Variants in INPP5F observed in about 807,000 individuals in gnomAD.
The protein encoded by INPP5F is phosphatidylinositide 4-phosphatase SAC2.
A neutral mutation model predicts 137.2 loss-of-function variants in INPP5F; 97 were observed. That is an observed-to-expected ratio of 0.71 (90% CI 0.60 to 0.84). The LOEUF (loss-of-function observed/expected upper bound fraction) is 0.84. Ranked by LOEUF, INPP5F falls within the 40% of genes least tolerant of loss-of-function variation. INPP5F has a pLI of 0.00. For missense variants in INPP5F, 1,271 were observed against 1,371.9 expected (o/e 0.93, Z 1.16); for synonymous variants, 504 against 476.9 (o/e 1.06, Z -0.74).
chr10:119,798,865 A>C (rs1282091052), intron 9 of INPP5F, among the ~76,000 whole-genome samples: 1 of 148,158 alleles, frequency 6.7e-6, no homozygotes, highest in Non-Finnish European at 1.5e-5. Flanking sequence ...TGCTGGGCTC[A>C]AGCAATCTTC....
At chr10:119,820,244 T>C (rs1028648019) in intron 15 of INPP5F, among the ~76,000 whole-genome samples, 11 of 152,328 alleles carry the variant, frequency 7.2e-5, no homozygotes, top group African/African-American at 2.2e-4. Flanking sequence ...GTTTTCATCA[T>C]TGATTTTAGA....
intron 2 of INPP5F, among the ~76,000 whole-genome samples, chr10:119,761,155 T>C (rs1848998224): frequency 6.6e-6 from 1 of 152,200 alleles, no homozygotes; most frequent in Non-Finnish European, 1.5e-5. Context: ...TTAACTACAG[T>C]CTTAAGCTTT....
intron 15 of INPP5F, among the ~76,000 whole-genome samples, chr10:119,818,450 C>T (rs1851379862): frequency 1.3e-5 from 2 of 152,264 alleles, no homozygotes. Context: ...ACGCTCGGTG[C>T]AGTACCCTCG....
At chr10:119,784,794 A>G (rs1240359875) in intron 3 of INPP5F, among the ~76,000 whole-genome samples, 1 of 152,200 alleles carries the variant, frequency 6.6e-6, no homozygotes, top group Non-Finnish European at 1.5e-5. Flanking sequence ...ACCACAATCA[A>G]TTTTAGAACC....
intron 2 of INPP5F, among the ~76,000 whole-genome samples, chr10:119,764,679 T>C (rs908921436): frequency 3.3e-5 from 5 of 151,802 alleles, no homozygotes; most frequent in South Asian, 4.2e-4. Flanking sequence ...CCTCCCGGGT[T>C]CAAGCGATTC....
Position 119,826,665 on chromosome 10 carries a change from A to G in INPP5F, c.2284A>G (p.Ile762Val). ...SSKPHEDIIG[I>V]RSQNQGSLAQ... The stretch of plus-strand genomic sequence containing the variant: ...TAAACCTCACGAAGACATCATTGGT[A>G]TCAGGTCTCAAAACCAAGGTTCTTT... Residue 762 changes from isoleucine to valine, a missense_variant, in exon 20 of 20, where the codon ATC becomes GTC. Physicochemically the swap from Ile to Val is conservative, Grantham distance 29. Coordinates refer to ENST00000650623, the MANE Select transcript of INPP5F (RefSeq NM_014937.4). The G allele has an allele frequency of 1.2e-6, 2 of 1,604,076 alleles. No individual in the cohort carries two copies. The highest frequency in any genetic ancestry group is 1.7e-6 in the Non-Finnish European group (2 of 1,177,424).
At chr10:119,773,847 T>C (rs186020093) in intron 2 of INPP5F, among the ~76,000 whole-genome samples, 7 of 152,316 alleles carry the variant, frequency 4.6e-5, no homozygotes, top group African/African-American at 1.7e-4. Flanking sequence ...GAATTACAGG[T>C]GCAGGCCACC....
intron 15 of INPP5F, among the ~76,000 whole-genome samples, chr10:119,812,908 A>T (rs1029853640): frequency 6.6e-5 from 10 of 151,648 alleles, no homozygotes; most frequent in African/African-American, 2.2e-4. Context: ...ATCCAACTTA[A>T]TATAGCACCA....
chr10:119,795,776 A>G (rs1850353888), intron 6 of INPP5F, among the ~76,000 whole-genome samples: 1 of 152,176 alleles, frequency 6.6e-6, no homozygotes, highest in Non-Finnish European at 1.5e-5. Context: ...ACTGCACTCC[A>G]GCCTGGGCAC....
At chr10:119,794,291 C>T (rs1182554108) in intron 6 of INPP5F, among the ~76,000 whole-genome samples, 1 of 152,100 alleles carries the variant, frequency 6.6e-6, no homozygotes, top group African/African-American at 2.4e-5. Flanking sequence ...TCCATTCAAC[C>T]CTGAGTGGAT....
chr10:119,806,550 A>G lies in INPP5F; in HGVS notation c.1440+70A>G, dbSNP rs1850796875. ...TTTTTTTTTCCATGAGTAAGCAAAT[A>G]GCTAAATATTTTTCAAATGTCAAAT... On this transcript the variant is annotated intron_variant, in intron 12 of 19. Transcript: ENST00000650623. 4 of 1,380,404 alleles carry G rather than the reference A, an allele frequency of 2.9e-6. No homozygotes were observed. In the Admixed American group the frequency reaches 1.0e-4, roughly 35 times the overall value. 85.5% of individuals were successfully genotyped at this position (1,380,404 alleles called of 1,614,324 possible).
chr10:119,756,464 C>T (rs1201957992), intron 2 of INPP5F, among the ~76,000 whole-genome samples: 2 of 151,754 alleles, frequency 1.3e-5, no homozygotes, highest in African/African-American at 4.8e-5. Flanking sequence ...GGTGAAACCC[C>T]CTCTCAACTA....
At chr10:119,733,128 TC>T (rs1848131367) in intron 1 of INPP5F, among the ~76,000 whole-genome samples, 2 of 152,194 alleles carry the variant, frequency 1.3e-5, no homozygotes, top group Non-Finnish European at 2.9e-5. Context: ...TCTTTAGCTA[TC>T]CTAATCATTA....
At position 119,804,304 on chromosome 10, in the gene INPP5F, T is replaced by C. The variant is rs368034270; in HGVS notation, c.1241+7T>C. The C allele has an allele frequency of 3.6e-5, 58 of 1,608,068 alleles. No homozygotes were observed. The highest frequency in any genetic ancestry group is 4.8e-5 in the Non-Finnish European group (57 of 1,178,272). The stretch of plus-strand genomic sequence containing the variant: ...TTGACTTCCATGAGCACTGGTAAGA[T>C]GGCTTTCGGAGAATAGTGTTGATCA... On this transcript the variant is annotated splice_region_variant and intron_variant, in intron 10 of 19. Transcript: ENST00000650623.
Position 119,726,088 on chromosome 10 carries a change from G to A in INPP5F, c.-175G>A. 2 of 376,442 alleles carry A rather than the reference G, an allele frequency of 5.3e-6. No homozygotes were observed. Among genetic ancestry groups the A allele is most frequent in the Non-Finnish European group, 9.4e-6 (2 of 213,646 alleles). 23.3% of individuals were successfully genotyped at this position (376,442 alleles called of 1,614,324 possible). On this transcript the variant is annotated 5_prime_UTR_variant, in exon 1 of 20. Transcript: ENST00000650623. ...GGCCGCCGCTGCCGCCGCCGCTGCC[G>A]GGGCGCGTTCTCCTCCTACCGGTCG...
At chr10:119,786,690 T>C (rs1849930233) in intron 3 of INPP5F, among the ~76,000 whole-genome samples, 1 of 151,594 alleles carries the variant, frequency 6.6e-6, no homozygotes, top group African/African-American at 2.4e-5. Context: ...TTTTTTTTTT[T>C]CTATTTTTTG....
intron 1 of INPP5F, among the ~76,000 whole-genome samples, chr10:119,749,782 C>T (rs1356279968): frequency 1.3e-5 from 2 of 152,152 alleles, no homozygotes; most frequent in African/African-American, 2.4e-5. Flanking sequence ...TCTTATTTTG[C>T]TTTAATTCTT....
At chr10:119,786,754 A>G (rs1322302258) in intron 3 of INPP5F, among the ~76,000 whole-genome samples, 1 of 152,064 alleles carries the variant, frequency 6.6e-6, no homozygotes, top group Non-Finnish European at 1.5e-5. Flanking sequence ...CCTGGGCTTA[A>G]GCAATCTGCC....
intron 8 of INPP5F, 150 bp from the exon 9 acceptor site, chr10:119,798,393 T>G: frequency 1.8e-6 from 1 of 564,630 alleles, no homozygotes; most frequent in Non-Finnish European, 3.1e-6. Context: ...ATCTTTGACT[T>G]AGCATTTCAT....
Sources: allele counts gnomAD v4.1 joint callset (sites outside exome capture counted in the v4.1 genomes callset), GRCh38; gene constraint gnomAD v4.1.1; transcripts MANE v1.5; gene names NCBI Gene and HGNC (gene_info 2026-07-23, HGNC 2026-07-21).